The following PARM1 variants were observed in gnomAD, a reference collection of about 807,000 sequenced individuals.
PARM1 encodes the protein prostate androgen-regulated mucin-like protein 1, also known as WSC4, cell wall integrity and stress response component 4 homolog.
In PARM1, 14 loss-of-function variants were observed where a neutral mutation model predicts 24.6. The observed-to-expected ratio is 0.57, with a 90% CI of 0.38 to 0.89. PARM1 has a LOEUF of 0.89. Among genes scored for constraint, PARM1 ranks in the 40% least tolerant of loss-of-function variants. PARM1 has a pLI of 0.00. For synonymous variants in PARM1, 179 were observed against 156.6 expected, an observed-to-expected ratio of 1.14 and a Z score of -1.07; for missense variants, 362 against 380.4, an observed-to-expected ratio of 0.95 and a Z score of 0.40.
intron 1 of PARM1, among the ~76,000 whole-genome samples, chr4:75,004,230 A>C (rs992585677): frequency 1.3e-5 from 2 of 152,226 alleles, no homozygotes; most frequent in Non-Finnish European, 2.9e-5. Context: ...TTTCTACTCA[A>C]TGAATATTTA....
intron 2 of PARM1, among the ~76,000 whole-genome samples, chr4:75,017,908 C>T (rs28760549): frequency 0.066 from 10,024 of 152,198 alleles, 1,121 homozygotes; most frequent in African/African-American, 0.23. Flanking sequence ...TCACATAATG[C>T]GGTTATTAGA....
At chr4:75,004,787 G>A (rs1722740944) in intron 1 of PARM1, among the ~76,000 whole-genome samples, 1 of 152,194 alleles carries the variant, frequency 6.6e-6, no homozygotes, top group African/African-American at 2.4e-5. Context: ...AAAGATAGAA[G>A]CAAACTGGTT....
chr4:74,937,928 A>G (rs1008590272), intron 1 of PARM1, among the ~76,000 whole-genome samples: 3 of 152,234 alleles, frequency 2.0e-5, no homozygotes, highest in Non-Finnish European at 4.4e-5. Flanking sequence ...ATGCTCAGTA[A>G]CAAATAGATG....
At chr4:74,966,946 C>T (rs1327806103) in intron 1 of PARM1, 2 of 152,182 alleles carry the variant, frequency 1.3e-5, no homozygotes, top group African/African-American at 2.4e-5. Context: ...TGTGATTTTA[C>T]AGATGATTTG....
intron 2 of PARM1, among the ~76,000 whole-genome samples, chr4:75,013,454 A>G (rs184229664): frequency 1.3e-5 from 2 of 152,346 alleles, no homozygotes; most frequent in African/African-American, 4.8e-5. Flanking sequence ...CAAGCTTCCT[A>G]GGTTTCAACT....
In PARM1 at chr4:75,026,963, A is replaced by G. The variant is rs537507205; in HGVS notation, c.770-6920A>G. Among the ~76,000 whole-genome samples, 21 of 152,284 alleles carry G rather than the reference A, an allele frequency of 1.4e-4. No individual in the cohort carries two copies. The South Asian group carries it at 1.5e-3, about 11-fold the overall frequency. On this transcript the variant is annotated intron_variant, in intron 2 of 3. Coordinates refer to ENST00000307428, the MANE Select transcript of PARM1 (RefSeq NM_015393.4). ...AGCCCAGTGCAAACCCTTCAAGCCC[A>G]TAAATATTGGGTGTCTGCCCTCCTC...
intron 1 of PARM1, among the ~76,000 whole-genome samples, chr4:74,982,238 G>A (rs1722271288): frequency 6.6e-6 from 1 of 152,066 alleles, no homozygotes; most frequent in Non-Finnish European, 1.5e-5. Context: ...ACTGGGAGCC[G>A]AACAATGTGA....
chr4:75,025,573 G>T (rs1723167360), intron 2 of PARM1, among the ~76,000 whole-genome samples: 1 of 152,160 alleles, frequency 6.6e-6, no homozygotes, highest in Non-Finnish European at 1.5e-5. Flanking sequence ...TGGTAACCAA[G>T]AACTGTGCCG....
At chr4:75,023,761 A>AG (rs369745785) in intron 2 of PARM1, among the ~76,000 whole-genome samples, 1 of 152,352 alleles carries the variant, frequency 6.6e-6, no homozygotes, top group East Asian at 1.9e-4. Context: ...GCTAAGAGAA[A>AG]GGCAATCTTG....
At chr4:74,979,963 T>C (rs1578037530) in intron 1 of PARM1, among the ~76,000 whole-genome samples, 2 of 152,124 alleles carry the variant, frequency 1.3e-5, no homozygotes, top group East Asian at 1.9e-4. Context: ...TGTAAGAACA[T>C]ACCTCAAAAT....
chr4:75,028,259 G>C (rs187245784), intron 2 of PARM1, among the ~76,000 whole-genome samples: 2 of 152,336 alleles, frequency 1.3e-5, no homozygotes. Context: ...CTGTGAGAAT[G>C]AAGAGCCTAG....
intron 1 of PARM1, among the ~76,000 whole-genome samples, chr4:75,011,628 GAA>G (rs941999513): frequency 1.3e-4 from 20 of 152,288 alleles, no homozygotes; most frequent in Admixed American, 6.5e-4. Context: ...TAAGTGCAGG[GAA>G]GGAGAAAGGA....
intron 1 of PARM1, among the ~76,000 whole-genome samples, chr4:74,958,516 G>A (rs1721696719): frequency 6.6e-6 from 1 of 152,136 alleles, no homozygotes; most frequent in Non-Finnish European, 1.5e-5. Flanking sequence ...TGAAAAGCTG[G>A]GGGTAGAGGA....
intron 1 of PARM1, among the ~76,000 whole-genome samples, chr4:74,943,878 A>C (rs1721359822): frequency 6.6e-6 from 1 of 152,250 alleles, no homozygotes; most frequent in African/African-American, 2.4e-5. Context: ...GTTATAAGTT[A>C]GTCACTAATA....
intron 1 of PARM1, among the ~76,000 whole-genome samples, chr4:74,982,192 G>T (rs1339568327): frequency 6.6e-6 from 1 of 152,174 alleles, no homozygotes; most frequent in African/African-American, 2.4e-5. Context: ...ACTAATGCAG[G>T]AACAGAAAAC....
chr4:74,966,721 G>GTGAC (rs1192291681), intron 1 of PARM1: 1 of 152,166 alleles, frequency 6.6e-6, no homozygotes. Flanking sequence ...AATTTGAGTG[G>GTGAC]TGACTATACT....
chr4:75,019,975 A>T (rs1231373295), intron 2 of PARM1, among the ~76,000 whole-genome samples: 2 of 136,388 alleles, frequency 1.5e-5, no homozygotes, highest in Non-Finnish European at 3.1e-5. Context: ...TGCAGTCCGC[A>T]GTCCGGCCTG....
intron 2 of PARM1, among the ~76,000 whole-genome samples, chr4:75,031,914 C>T (rs181645622): frequency 6.6e-6 from 1 of 152,304 alleles, no homozygotes; most frequent in Non-Finnish European, 1.5e-5. Context: ...TATTACAAGG[C>T]TTCAGTGAAC....
At position 74,933,367 on chromosome 4, in the gene PARM1, G is replaced by A. The variant is rs775327145; in HGVS notation, c.40G>A (p.Ala14Thr). The A allele has an allele frequency of 6.2e-7, 1 of 1,612,638 alleles. No individual in the cohort carries two copies. Among genetic ancestry groups the A allele is most frequent in the Non-Finnish European group, 8.5e-7 (1 of 1,179,388 alleles). ...KTLFALCILT[A>T]GWRVQSLPTS... The stretch of plus-strand genomic sequence containing the variant: ...TCTCTTCGCTCTTTGCATCTTAACT[G>A]CAGGTAATTGGCGCCATCCTCCCGG... Residue 14 changes from alanine (A) to threonine (T), a missense_variant, in exon 1 of 4, where the codon GCA becomes ACA. Ala to Thr is a moderately conservative substitution (Grantham distance 58). Coordinates refer to ENST00000307428, the MANE Select transcript of PARM1 (RefSeq NM_015393.4).
Sources: allele counts gnomAD v4.1 joint callset (sites outside exome capture counted in the v4.1 genomes callset), GRCh38; gene constraint gnomAD v4.1.1; transcripts MANE v1.5; gene names NCBI Gene and HGNC (gene_info 2026-07-23, HGNC 2026-07-21).